KSR2: variants seen among roughly 807,000 people sequenced by gnomAD.
The protein encoded by KSR2 is kinase suppressor of ras 2.
In KSR2, 25 loss-of-function variants were observed where a neutral mutation model predicts 107.8. The observed-to-expected ratio is 0.23, with a 90% confidence interval of 0.17 to 0.32. KSR2 has a LOEUF of 0.32. Among genes scored for constraint, KSR2 ranks in the 10% least tolerant of loss-of-function variants. KSR2 has a pLI of 1.00. For missense variants in KSR2, 887 were observed against 1,268.9 expected, an observed-to-expected ratio of 0.70 and a Z score of 4.57; for synonymous variants, 480 against 507.0, an observed-to-expected ratio of 0.95 and a Z score of 0.71.
At chr12:117,923,871 T>C (rs1566083672) in intron 1 of KSR2, among the ~76,000 whole-genome samples, 1 of 151,494 alleles carries the variant, frequency 6.6e-6, no homozygotes, top group African/African-American at 2.4e-5. Context: ...GACATTAATA[T>C]ATATTTGCTT....
intron 4 of KSR2, among the ~76,000 whole-genome samples, chr12:117,747,818 A>T (rs559908647): frequency 1.8e-4 from 27 of 152,274 alleles, no homozygotes; most frequent in African/African-American, 6.5e-4. Context: ...CATAGAGAGG[A>T]TGTGGGGAAA....
chr12:117,483,757 T>C (rs1012075778), intron 16 of KSR2, among the ~76,000 whole-genome samples: 4 of 152,238 alleles, frequency 2.6e-5, no homozygotes, highest in African/African-American at 9.6e-5. Flanking sequence ...GGGAGGTATA[T>C]GCAAATTAAT....
intron 5 of KSR2, among the ~76,000 whole-genome samples, chr12:117,631,813 G>C (rs969260275): frequency 1.3e-5 from 2 of 152,138 alleles, no homozygotes; most frequent in Admixed American, 6.6e-5. Flanking sequence ...ACCAAAAGCA[G>C]TATGCAATAT....
rs577909662 is a variant in KSR2 at position 117,628,909 on chromosome 12, G to A, written c.1171+38565C>T. Among the ~76,000 whole-genome samples the A allele has an allele frequency of 5.3e-5, 8 of 152,354 alleles. No individual in the cohort carries two copies. The East Asian group carries it at 1.5e-3, about 29-fold the overall frequency. ...TTTACCTACTCAAGCTTTAGCAATG[G>A]TGGCTGCCCCTCCCCTAGCCAGGCT... On this transcript the variant is annotated intron_variant, in intron 5 of 19. Transcript: ENST00000339824.
intron 3 of KSR2, among the ~76,000 whole-genome samples, chr12:117,835,067 C>T (rs1203053679): frequency 6.6e-6 from 1 of 152,098 alleles, no homozygotes; most frequent in East Asian, 1.9e-4. Flanking sequence ...GCTTATGGGC[C>T]ATCCATCCTG....
intron 5 of KSR2, among the ~76,000 whole-genome samples, chr12:117,585,343 A>C (rs1490152765): frequency 6.6e-6 from 1 of 152,166 alleles, no homozygotes; most frequent in Non-Finnish European, 1.5e-5. Context: ...AGCACATCTC[A>C]CTATTAGGTT....
intron 4 of KSR2, among the ~76,000 whole-genome samples, chr12:117,719,942 C>T (rs529217088): frequency 5.9e-5 from 9 of 152,178 alleles, no homozygotes; most frequent in African/African-American, 9.6e-5. Context: ...TGTCTTTTTC[C>T]AAGTGAAAGA....
intron 1 of KSR2, among the ~76,000 whole-genome samples, chr12:117,900,702 C>T (rs1257993984): frequency 1.3e-5 from 2 of 152,188 alleles, no homozygotes; most frequent in African/African-American, 2.4e-5. Context: ...ACATCTGCAT[C>T]ATGACCCAAT....
intron 3 of KSR2, among the ~76,000 whole-genome samples, chr12:117,841,677 C>A (rs1383414435): frequency 1.3e-5 from 2 of 152,192 alleles, no homozygotes; most frequent in African/African-American, 2.4e-5. Flanking sequence ...GAAAGCCATT[C>A]ATTCCCACCA....
chr12:117,692,487 T>C (rs1009938761), intron 4 of KSR2, among the ~76,000 whole-genome samples: 2 of 86,400 alleles, frequency 2.3e-5, no homozygotes, highest in African/African-American at 8.9e-5. Flanking sequence ...TATATATATA[T>C]ATATATATAT....
intron 14 of KSR2, among the ~76,000 whole-genome samples, chr12:117,513,180 C>T (rs1045572012): frequency 1.3e-5 from 2 of 152,242 alleles, no homozygotes; most frequent in African/African-American, 4.8e-5. Context: ...TATATTAATA[C>T]ATCTATTGAT....
chr12:117,959,772 T>A (rs940841027), intron 1 of KSR2, among the ~76,000 whole-genome samples: 3 of 151,720 alleles, frequency 2.0e-5, no homozygotes, highest in Non-Finnish European at 2.9e-5. Context: ...CTCTACAAAA[T>A]TTTTAAAATG....
chr12:117,609,046 T>C, intron 5 of KSR2, among the ~76,000 whole-genome samples: 1 of 151,982 alleles, frequency 6.6e-6, no homozygotes, highest in East Asian at 1.9e-4. Context: ...TCACCACATC[T>C]CCACTTCTCA....
chr12:117,838,910 GTC>G (rs1892352081), intron 3 of KSR2, among the ~76,000 whole-genome samples: 1 of 152,206 alleles, frequency 6.6e-6, no homozygotes, highest in South Asian at 2.1e-4. Context: ...GGGCCATACG[GTC>G]TCTGTCACAC....
chr12:117,938,747 T>C (rs560004857), intron 1 of KSR2, among the ~76,000 whole-genome samples: 163 of 152,108 alleles, frequency 1.1e-3, no homozygotes, highest in Non-Finnish European at 1.9e-3. Flanking sequence ...CAAAACTGTC[T>C]CTAAACAAAC....
chr12:117,843,197 A>G (rs1348996392), intron 3 of KSR2, among the ~76,000 whole-genome samples: 1 of 152,212 alleles, frequency 6.6e-6, no homozygotes, highest in Non-Finnish European at 1.5e-5. Context: ...GTAGTTAGAC[A>G]GAAAGGGAAC....
At chr12:117,857,881 T>G (rs1893152140) in intron 2 of KSR2, among the ~76,000 whole-genome samples, 1 of 152,186 alleles carries the variant, frequency 6.6e-6, no homozygotes. Context: ...GACACATACC[T>G]GAACTGCAGA....
chr12:117,606,495 C>CTCTCCCCTCCTTCCTT (rs1881262169), intron 5 of KSR2, among the ~76,000 whole-genome samples: 1 of 58,216 alleles, frequency 1.7e-5, no homozygotes, highest in Non-Finnish European at 3.9e-5. Context: ...CTTCCTTCCT[C>CTCTCCCCTCCTTCCTT]CATCCCCTCC....
At chr12:117,787,072 T>G (rs1890103368) in intron 3 of KSR2, among the ~76,000 whole-genome samples, 2 of 151,896 alleles carry the variant, frequency 1.3e-5, no homozygotes, top group African/African-American at 4.8e-5. Context: ...AGCTCAAACA[T>G]CAAGCTTCCT....
Sources: allele counts gnomAD v4.1 joint callset (sites outside exome capture counted in the v4.1 genomes callset), GRCh38; gene constraint gnomAD v4.1.1; transcripts MANE v1.5; gene names NCBI Gene and HGNC (gene_info 2026-07-23, HGNC 2026-07-21).